DGKH: variants seen among roughly 807,000 people sequenced by gnomAD.
DGKH encodes the protein DAG kinase eta.
DGKH carries 90 observed loss-of-function variants against 159.3 expected under a neutral mutation model. The ratio of observed to expected loss-of-function variants is 0.57; its 90% confidence interval spans 0.48 to 0.67. The LOEUF (loss-of-function observed/expected upper bound fraction) is 0.67. DGKH is among the 30% of genes least tolerant of loss of function. The probability of loss-of-function intolerance (pLI) is 0.00; values close to 1 mark genes in which losing one functional copy is unlikely to be tolerated. For synonymous variants in DGKH, 536 were observed against 553.8 expected, an observed-to-expected ratio of 0.97 and a Z score of 0.45; for missense variants, 1,181 against 1,506.1, an observed-to-expected ratio of 0.78 and a Z score of 3.57.
At chr13:42,041,993 C>T (rs1880540207) in intron 1 of DGKH, among the ~76,000 whole-genome samples, 1 of 152,184 alleles carries the variant, frequency 6.6e-6, no homozygotes, top group South Asian at 2.1e-4. Flanking sequence ...CTCTCAGCTC[C>T]TTTGCCCAGA....
intron 1 of DGKH, among the ~76,000 whole-genome samples, chr13:42,107,129 G>T (rs1464832271): frequency 6.6e-6 from 1 of 152,270 alleles, no homozygotes; most frequent in Admixed American, 6.5e-5. Flanking sequence ...TGTGAGGACT[G>T]ACAACATAGA....
chr13:42,075,605 T>C (rs1248120682), intron 1 of DGKH, among the ~76,000 whole-genome samples: 2 of 152,216 alleles, frequency 1.3e-5, no homozygotes, highest in Non-Finnish European at 1.5e-5. Context: ...TTATTTAGTC[T>C]ACTGAAAGGT....
chr13:42,147,023 G>T (rs922153081), intron 3 of DGKH, among the ~76,000 whole-genome samples: 3 of 152,142 alleles, frequency 2.0e-5, no homozygotes, highest in East Asian at 3.8e-4. Context: ...CCAGGATAAG[G>T]ACATAGATTA....
intron 25 of DGKH, among the ~76,000 whole-genome samples, 154 bp from the exon 26 acceptor site, chr13:42,215,421 C>A (rs1957764885): frequency 6.6e-6 from 1 of 151,926 alleles, no homozygotes; most frequent in Admixed American, 6.6e-5. Context: ...GATAGTCATA[C>A]AAACAAATGT....
Position 42,214,512 on chromosome 13 carries a change from GTGACGCAGCCA to G in DGKH, c.3021_3031del (p.Asp1008AsnfsTer22). On this transcript the variant is annotated frameshift_variant, in exon 25 of 30. Transcript: ENST00000337343. LOFTEE classifies it high-confidence loss of function. ...TGTTTCATTTTTGCTTTTAGGATATGTGACGCAGCCACAATTCACTGTCTTTTGGAGCAAGA... is the reference window on the plus strand; with the variant it reads ...TGTTTCATTTTTGCTTTTAGGATATGCAATTCACTGTCTTTTGGAGCAAGA... 6.2e-7 allele frequency: 1 copy of G among 1,609,910 alleles called. No individual in the cohort carries two copies. The highest frequency in any genetic ancestry group is 8.5e-7 in the Non-Finnish European group (1 of 1,178,430).
chr13:42,161,309 G>T (rs1420988485), intron 7 of DGKH, among the ~76,000 whole-genome samples: 1 of 152,084 alleles, frequency 6.6e-6, no homozygotes, highest in Non-Finnish European at 1.5e-5. Flanking sequence ...TACTAAAGTC[G>T]ATTTCTCTAC....
In DGKH at chr13:42,170,016, A is replaced by G. The variant is rs543490280; in HGVS notation, c.1367+1198A>G. Among the ~76,000 whole-genome samples the G allele has an allele frequency of 5.3e-5, 8 of 152,312 alleles. No homozygotes were observed. In the East Asian group the frequency reaches 1.2e-3, roughly 22 times the overall value. ...AAGTTGTACACCTTAAATATATACA[A>G]TTTTTTATTTGTCAATTATACCTAA... On this transcript the variant is annotated intron_variant, in intron 11 of 29. Transcript: ENST00000337343.
At chr13:42,042,089 A>C (rs900985771) in intron 1 of DGKH, among the ~76,000 whole-genome samples, 3 of 152,198 alleles carry the variant, frequency 2.0e-5, no homozygotes, top group African/African-American at 7.2e-5. Flanking sequence ...CTGCATCTGC[A>C]GCTGTCTTTG....
upstream of DGKH, among the ~76,000 whole-genome samples, chr13:42,047,496 A>G (rs565191045): frequency 1.3e-5 from 2 of 152,370 alleles, no homozygotes; most frequent in Admixed American, 6.5e-5. Flanking sequence ...ATTTAAAAAT[A>G]TAGCTAACAC....
rs376814975 is a variant in DGKH at position 42,199,940 on chromosome 13, T to C, written c.2493+31T>C. The C allele has an allele frequency of 8.9e-5, 137 of 1,543,234 alleles. 1 individual carries two copies. The highest frequency in any genetic ancestry group is 1.8e-4 in the Middle Eastern group (1 of 5,602). On this transcript the variant is annotated intron_variant, in intron 20 of 29. Transcript: ENST00000337343. ...TTCATCTTAAAGTAAAGATATTTCATATTATCTTACTTAAAAAAAATATCG... is the reference window on the plus strand; with the variant it reads ...TTCATCTTAAAGTAAAGATATTTCACATTATCTTACTTAAAAAAAATATCG...
At chr13:42,218,894 T>A (rs912967811) in intron 26 of DGKH, among the ~76,000 whole-genome samples, 26 of 152,044 alleles carry the variant, frequency 1.7e-4, no homozygotes, top group African/African-American at 6.0e-4. Flanking sequence ...GAAGAATTGG[T>A]AGATAAATGC....
At chr13:42,148,776 T>C (rs1036031000) in intron 3 of DGKH, among the ~76,000 whole-genome samples, 3 of 152,102 alleles carry the variant, frequency 2.0e-5, no homozygotes, top group Non-Finnish European at 4.4e-5. Flanking sequence ...CACATCACGC[T>C]GTTTATAATG....
At chr13:42,113,196 T>G (rs1418603031) in intron 1 of DGKH, among the ~76,000 whole-genome samples, 3 of 152,166 alleles carry the variant, frequency 2.0e-5, no homozygotes, top group Non-Finnish European at 4.4e-5. Context: ...CAGGTAAAAG[T>G]AAGTGGTTAC....
intron 1 of DGKH, chr13:42,066,602 T>C (rs1882595110): frequency 6.6e-6 from 1 of 152,250 alleles, no homozygotes; most frequent in South Asian, 2.1e-4. Context: ...TACTTGTATG[T>C]AATTTTTCAC....
At chr13:42,069,621 T>C in intron 1 of DGKH, 1 of 1,434,500 alleles carries the variant, frequency 7.0e-7, no homozygotes, top group Non-Finnish European at 9.6e-7. Context: ...ATTTTGATTT[T>C]CTTTTCTTAT....
intron 1 of DGKH, among the ~76,000 whole-genome samples, chr13:42,084,432 T>C (rs1954265400): frequency 6.6e-6 from 1 of 152,144 alleles, no homozygotes; most frequent in South Asian, 2.1e-4. Context: ...GTTTTTAGTT[T>C]AGGTGTAAAT....
chr13:42,095,456 C>A (rs1262476426), intron 1 of DGKH, among the ~76,000 whole-genome samples: 2 of 152,154 alleles, frequency 1.3e-5, no homozygotes, highest in Non-Finnish European at 2.9e-5. Context: ...AGCCACTGCA[C>A]CCAGCCAAAT....
chr13:42,083,439 A>G (rs185987568), intron 1 of DGKH, among the ~76,000 whole-genome samples: 1 of 152,330 alleles, frequency 6.6e-6, no homozygotes, highest in East Asian at 1.9e-4. Flanking sequence ...CGAGGCTCAA[A>G]TGGAGAACTT....
chr13:42,086,055 T>G (rs1954295164), intron 1 of DGKH, among the ~76,000 whole-genome samples: 1 of 152,052 alleles, frequency 6.6e-6, no homozygotes, highest in South Asian at 2.1e-4. Context: ...GTAGATGGGA[T>G]TACAGGCATG....
Sources: gnomAD v4.1 joint callset for allele counts (sites outside exome capture counted in the v4.1 genomes callset) on GRCh38, gnomAD v4.1.1 for gene constraint, MANE v1.5 for transcripts, NCBI Gene and HGNC (gene_info 2026-07-23, HGNC 2026-07-21) for gene names.